Variants in SMTNL2 observed in about 807,000 individuals in gnomAD.
SMTNL2 encodes smoothelin like 2.
A neutral mutation model predicts 44.1 loss-of-function variants in SMTNL2; 43 were observed. That is an observed-to-expected ratio of 0.98 (90% CI 0.76 to 1.26). SMTNL2 has a LOEUF of 1.26. Ranked by LOEUF, SMTNL2 falls within the 50% of genes most tolerant of loss-of-function variation. The probability of loss-of-function intolerance (pLI) is 0.00; values close to 1 mark genes in which losing one functional copy is unlikely to be tolerated. For missense variants in SMTNL2, 646 were observed against 670.2 expected, an observed-to-expected ratio of 0.96 and a Z score of 0.40; for synonymous variants, 317 against 287.6, an observed-to-expected ratio of 1.10 and a Z score of -1.03.
chr17:4,607,552 C>T lies in SMTNL2; in HGVS notation c.*65C>T, dbSNP rs1910331960. 3 of 1,584,860 alleles carry T rather than the reference C, an allele frequency of 1.9e-6. No individual in the cohort carries two copies. The highest frequency in any genetic ancestry group is 1.7e-6 in the Non-Finnish European group (2 of 1,161,514). ...GAGGCCGGGGGTCCGCTTGCGATTC[C>T]CCAGCCAGGATGCCCCCAGGAGCCT... On this transcript the variant is annotated 3_prime_UTR_variant, in exon 8 of 8. Transcript: ENST00000389313. This position sits in a 1 kb window ranked among gnomAD's most constrained non-coding sequence, Gnocchi z 4.7.
intron 1 of SMTNL2, among the ~76,000 whole-genome samples, chr17:4,589,493 G>A (rs372864982): frequency 5.3e-4 from 81 of 152,236 alleles, no homozygotes; most frequent in African/African-American, 1.7e-3. Flanking sequence ...CTGCGTGCTG[G>A]GAGACGCCCT....
intron 7 of SMTNL2, among the ~76,000 whole-genome samples, chr17:4,606,163 C>G (rs1219287755): frequency 6.6e-6 from 1 of 152,080 alleles, no homozygotes; most frequent in Non-Finnish European, 1.5e-5. Context: ...TGCTCTGCCC[C>G]CAGGCTGGAG....
In SMTNL2 at chr17:4,592,356, T is replaced by C; in HGVS notation, c.400-5T>C. ...GGGGTCTCGGTGACATTTGTGTCTC[T>C]GTAGAGTTTGGATCACGATGAGGCC... On this transcript the variant is annotated splice_polypyrimidine_tract_variant and splice_region_variant and intron_variant, in intron 1 of 7. Coordinates refer to ENST00000389313, the MANE Select transcript of SMTNL2 (RefSeq NM_001114974.2). The surrounding 1 kb of genome is among the most constrained non-coding windows in gnomAD (Gnocchi z 4.5). 5.0e-6 allele frequency: 8 copies of C among 1,613,498 alleles called. No individual in the cohort carries two copies. The highest frequency in any genetic ancestry group is 1.3e-5 in the African/African-American group (1 of 75,022).
Position 4,597,207 on chromosome 17 carries a change from C to T in SMTNL2, c.1143C>T (p.Ser381=), listed in dbSNP as rs377118143. 7.3e-5 allele frequency: 118 copies of T among 1,613,862 alleles called. No individual in the cohort carries two copies. Among genetic ancestry groups the T allele is most frequent in the Non-Finnish European group, 9.2e-5 (109 of 1,179,980 alleles). Residue 381 remains serine, a synonymous_variant, in exon 7 of 8, where the codon AGC becomes AGT. Transcript: ENST00000389313. ...VDLQNFSSSW[S]DGMAFCALVH... ...TGCAGAACTTCTCCTCCAGCTGGAG[C>T]GACGGCATGGCCTTCTGCGCCCTGG... is the stretch of plus-strand genomic sequence containing the variant.
At chr17:4,602,612 G>A (rs988651333) in intron 7 of SMTNL2, among the ~76,000 whole-genome samples, 2 of 151,638 alleles carry the variant, frequency 1.3e-5, no homozygotes, top group Non-Finnish European at 2.9e-5. Flanking sequence ...CTTGAGCCAC[G>A]GCACCTAGCT....
chr17:4,605,770 G>A (rs967839485), intron 7 of SMTNL2, among the ~76,000 whole-genome samples: 3 of 152,168 alleles, frequency 2.0e-5, no homozygotes, highest in Non-Finnish European at 2.9e-5. Context: ...GATCGTTTTT[G>A]CCTTTTTGGT....
intron 7 of SMTNL2, among the ~76,000 whole-genome samples, chr17:4,606,874 C>A (rs968898327): frequency 6.6e-6 from 1 of 152,088 alleles, no homozygotes; most frequent in South Asian, 2.1e-4. Flanking sequence ...TGTGCCACTG[C>A]GCTCCAGCCT....
rs200503550 is a variant in SMTNL2, at chr17:4,593,187, C to A, written c.730+16C>A. ...AGTCCTAGCGGTATGAGCTGGAGAG[C>A]GTGGCCTTGGGGCAGACCTCCCCTT... On this transcript the variant is annotated intron_variant, in intron 3 of 7. Transcript: ENST00000389313. 60 of 1,566,388 alleles carry A rather than the reference C, an allele frequency of 3.8e-5. No homozygotes were observed. The highest frequency in any genetic ancestry group is 5.0e-5 in the Non-Finnish European group (57 of 1,150,084).
rs73331918 is a variant in SMTNL2 at position 4,587,366 on chromosome 17, G to A, written c.399+2362G>A. On this transcript the variant is annotated intron_variant, in intron 1 of 7. Transcript: ENST00000389313. ...ATCTCTCTTGCTGTCCTCCGTCTCA[G>A]GAGCATTGTCACAGCCTCCAGACCA... Among the ~76,000 whole-genome samples the A allele has an allele frequency of 2.9e-3, 449 of 152,352 alleles. 1 individual carries two copies. Among genetic ancestry groups the A allele is most frequent in the Middle Eastern group, 0.014 (4 of 294 alleles).
At chr17:4,591,246 G>A (rs566422115) in intron 1 of SMTNL2, among the ~76,000 whole-genome samples, 6 of 152,226 alleles carry the variant, frequency 3.9e-5, no homozygotes, top group African/African-American at 1.2e-4. Flanking sequence ...AGCCATCTGG[G>A]GCCAGGGATG....
At chr17:4,603,137 G>GGGGT (rs1910113911) in intron 7 of SMTNL2, among the ~76,000 whole-genome samples, 4 of 152,342 alleles carry the variant, frequency 2.6e-5, no homozygotes, top group Non-Finnish European at 5.9e-5. Flanking sequence ...AGAATGAGGA[G>GGGGT]GGGTCAGCTT....
intron 7 of SMTNL2, among the ~76,000 whole-genome samples, chr17:4,599,764 T>G (rs898009152): frequency 1.6e-4 from 24 of 152,212 alleles, no homozygotes; most frequent in African/African-American, 5.5e-4. Flanking sequence ...AGCACGAGGT[T>G]TGAGTTCAGG....
chr17:4,587,161 G>A (rs1303279451), intron 1 of SMTNL2, among the ~76,000 whole-genome samples: 1 of 152,186 alleles, frequency 6.6e-6, no homozygotes, highest in African/African-American at 2.4e-5. Context: ...GCGTCGGCCT[G>A]TTGGGGAGTG....
rs906273233 is a variant in SMTNL2 at position 4,600,816 on chromosome 17, G to A, written c.1259+3493G>A. ...GCCCCAGGCTTCCCGCTTGCCCTGC[G>A]GGGAATGTGTCCTGCTCTCGGGTTA... On this transcript the variant is annotated intron_variant, in intron 7 of 7. Coordinates refer to ENST00000389313, the MANE Select transcript of SMTNL2 (RefSeq NM_001114974.2). The surrounding 1 kb of genome is among the most constrained non-coding windows in gnomAD (Gnocchi z 4.7). Among the ~76,000 whole-genome samples, 5 of 152,182 alleles carry A rather than the reference G, an allele frequency of 3.3e-5. No homozygotes were observed. The highest frequency in any genetic ancestry group is 1.2e-4 in the African/African-American group (5 of 41,452).
At chr17:4,602,463 C>T (rs1910087871) in intron 7 of SMTNL2, among the ~76,000 whole-genome samples, 2 of 151,948 alleles carry the variant, frequency 1.3e-5, no homozygotes. Context: ...GCTGGGATTA[C>T]AGGCATGCGC....
chr17:4,591,005 T>A (rs1909549901), intron 1 of SMTNL2, among the ~76,000 whole-genome samples: 1 of 152,198 alleles, frequency 6.6e-6, no homozygotes, highest in Non-Finnish European at 1.5e-5. Context: ...AAGCAGACAC[T>A]AATCACTCTG....
intron 5 of SMTNL2, among the ~76,000 whole-genome samples, chr17:4,596,309 C>G (rs1404739175): frequency 6.6e-6 from 1 of 152,226 alleles, no homozygotes; most frequent in Non-Finnish European, 1.5e-5. Context: ...AGTCCCTGCT[C>G]GACTCTAGTG....
In SMTNL2 at chr17:4,593,181, G is replaced by A; in HGVS notation, c.730+10G>A. On this transcript the variant is annotated intron_variant, in intron 3 of 7. Coordinates refer to ENST00000389313, the MANE Select transcript of SMTNL2 (RefSeq NM_001114974.2). Reference sequence around the variant, plus strand: ...ACTCCCAGTCCTAGCGGTATGAGCTGGAGAGCGTGGCCTTGGGGCAGACCT... The same window carrying A: ...ACTCCCAGTCCTAGCGGTATGAGCTAGAGAGCGTGGCCTTGGGGCAGACCT... 2 of 1,577,316 alleles carry A rather than the reference G, an allele frequency of 1.3e-6. No individual in the cohort carries two copies. The highest frequency in any genetic ancestry group is 1.7e-6 in the Non-Finnish European group (2 of 1,155,970).
intron 7 of SMTNL2, among the ~76,000 whole-genome samples, chr17:4,601,959 CT>C (rs1910054585): frequency 6.6e-6 from 1 of 151,958 alleles, no homozygotes; most frequent in Non-Finnish European, 1.5e-5. Context: ...TCATCACTTT[CT>C]TTTTCTGCTG....
Sources: gnomAD v4.1 joint callset for allele counts (sites outside exome capture counted in the v4.1 genomes callset) on GRCh38, gnomAD v4.1.1 for gene constraint, Gnocchi (gnomAD v3.1) non-coding constraint, MANE v1.5 for transcripts, NCBI Gene and HGNC (gene_info 2026-07-23, HGNC 2026-07-21) for gene names.